The following DENND1A variants were observed in gnomAD, a reference collection of about 807,000 sequenced individuals.
The protein encoded by DENND1A is DENN domain-containing protein 1A.
A neutral mutation model predicts 113.7 loss-of-function variants in DENND1A; 51 were observed. The ratio of observed to expected loss-of-function variants is 0.45; its 90% CI spans 0.36 to 0.57. The LOEUF (loss-of-function observed/expected upper bound fraction) is 0.57, where lower values mean the gene tolerates loss of function less well. Among genes scored for constraint, DENND1A ranks in the 20% least tolerant of loss-of-function variants. The probability of loss-of-function intolerance (pLI) is 0.00; values close to 1 mark genes in which losing one functional copy is unlikely to be tolerated. For synonymous variants in DENND1A, 565 were observed against 570.8 expected (o/e 0.99, Z 0.14); for missense variants, 1,258 against 1,395.9 (o/e 0.90, Z 1.57).
chr9:123,637,187 A>G (rs2061751030), intron 9 of DENND1A, among the ~76,000 whole-genome samples: 1 of 152,202 alleles, frequency 6.6e-6, no homozygotes, highest in Admixed American at 6.5e-5. Context: ...AGGCATTTGG[A>G]TTTCCCCTCT....
chr9:123,641,974 C>G (rs1423080432), intron 9 of DENND1A, among the ~76,000 whole-genome samples: 1 of 152,130 alleles, frequency 6.6e-6, no homozygotes, highest in Non-Finnish European at 1.5e-5. Flanking sequence ...CAATCTGAAT[C>G]CTGTGCCTCA....
At chr9:123,633,064 T>A (rs1041313957) in intron 9 of DENND1A, among the ~76,000 whole-genome samples, 1 of 152,276 alleles carries the variant, frequency 6.6e-6, no homozygotes. Flanking sequence ...TGTGCCACCA[T>A]GCCCGGCTAA....
intron 13 of DENND1A, among the ~76,000 whole-genome samples, chr9:123,476,505 A>G (rs989888003): frequency 5.3e-5 from 8 of 152,228 alleles, no homozygotes; most frequent in Middle Eastern, 3.4e-3. Context: ...GGAACCCAAC[A>G]TTTGTTGGTC....
intron 2 of DENND1A, among the ~76,000 whole-genome samples, chr9:123,848,612 G>A (rs1842940102): frequency 6.6e-6 from 1 of 152,138 alleles, no homozygotes; most frequent in Non-Finnish European, 1.5e-5. Flanking sequence ...TCAACTGAAA[G>A]GAGGAGTTGC....
chr9:123,928,155 G>A (rs1280338393), intron 1 of DENND1A, among the ~76,000 whole-genome samples: 1 of 152,170 alleles, frequency 6.6e-6, no homozygotes, highest in East Asian at 1.9e-4. Flanking sequence ...CAGAATTAGC[G>A]ATGGGTTCCA....
At chr9:123,453,187 A>G (rs969586232) in intron 16 of DENND1A, among the ~76,000 whole-genome samples, 9 of 152,012 alleles carry the variant, frequency 5.9e-5, no homozygotes, top group African/African-American at 2.2e-4. Context: ...GCCTTCCAAA[A>G]CCTCCAGCTG....
chr9:123,789,330 C>T (rs993607478), intron 3 of DENND1A, among the ~76,000 whole-genome samples: 1 of 151,980 alleles, frequency 6.6e-6, no homozygotes, highest in Admixed American at 6.6e-5. Context: ...CCTTCTGTAT[C>T]GAGACCCTTA....
Position 123,381,446 on chromosome 9 carries a change from C to G in DENND1A, c.3199G>C (p.Glu1067Gln), listed in dbSNP as rs756502251. The G allele has an allele frequency of 6.2e-7, 1 of 1,613,248 alleles. No homozygotes were observed. Among genetic ancestry groups the G allele is most frequent in the Admixed American group, 1.7e-5 (1 of 60,028 alleles). Residue 1067 changes from glutamate (E) to glutamine (Q), a missense_variant, in exon 24 of 24, where the codon GAG (glutamate) becomes CAG (glutamine). By Grantham distance (29) the Glu-to-Gln change is conservative. Transcript: ENST00000394215. The surrounding 1 kb of genome is among the most constrained non-coding windows in gnomAD (Gnocchi z 4.7). ...DSVEQLRKQW[E>Q]TFE ...CAGGGCCCGGCTCACTCGAAGGTCT[C>G]CCACTGCTTCCTGAGCTGCTCCACC...
At chr9:123,623,336 G>A (rs1304222895) in intron 10 of DENND1A, among the ~76,000 whole-genome samples, 3 of 152,128 alleles carry the variant, frequency 2.0e-5, no homozygotes, top group Non-Finnish European at 4.4e-5. Flanking sequence ...TGGCCCCTAG[G>A]TGCCACTTGA....
chr9:123,846,036 C>T (rs1185347361), intron 2 of DENND1A, among the ~76,000 whole-genome samples: 3 of 151,982 alleles, frequency 2.0e-5, no homozygotes, highest in Non-Finnish European at 4.4e-5. Context: ...TTTAAACGAC[C>T]CAGTCACTGG....
chr9:123,617,049 C>A (rs927502983), intron 10 of DENND1A, among the ~76,000 whole-genome samples: 4 of 152,188 alleles, frequency 2.6e-5, no homozygotes, highest in African/African-American at 7.2e-5. Context: ...CACAGAGGAA[C>A]CCATGGCTCA....
At chr9:123,757,976 T>TA (rs557446216) in intron 4 of DENND1A, among the ~76,000 whole-genome samples, 154 bp from the exon 5 acceptor site, 7,258 of 122,956 alleles carry the variant, frequency 0.059, 346 homozygotes, top group African/African-American at 0.12. Context: ...GTAAGCTAGT[T>TA]AAAAAAAAAA....
At position 123,516,676 on chromosome 9, in the gene DENND1A, A is replaced by G. The variant is rs145498562; in HGVS notation, c.993+40894T>C. Among the ~76,000 whole-genome samples the G allele has an allele frequency of 6.4e-3, 966 of 152,098 alleles. 12 individuals are homozygous for G. The highest frequency in any genetic ancestry group is 0.022 in the African/African-American group (902 of 41,468). Reference sequence around the variant, plus strand: ...GCCAAGGTGGGCAGATCACGAGGTCAGGAGATCGAGACTATCCTGGCCAAC... The same window carrying G: ...GCCAAGGTGGGCAGATCACGAGGTCGGGAGATCGAGACTATCCTGGCCAAC... On this transcript the variant is annotated intron_variant, in intron 13 of 23. Transcript: ENST00000394215.
At chr9:123,391,761 G>GGAAAAA (rs370434845) in intron 21 of DENND1A, among the ~76,000 whole-genome samples, 2 of 110,402 alleles carry the variant, frequency 1.8e-5, no homozygotes, top group African/African-American at 3.6e-5. Flanking sequence ...GGCAGAATAT[G>GGAAAAA]AAAAAAAAAA....
chr9:123,709,476 G>C (rs998956301), intron 5 of DENND1A, among the ~76,000 whole-genome samples: 2 of 151,960 alleles, frequency 1.3e-5, no homozygotes, highest in Non-Finnish European at 2.9e-5. Context: ...ATTCTGCTTT[G>C]GCACAGTCTG....
At chr9:123,862,496 A>C (rs1845189306) in intron 2 of DENND1A, among the ~76,000 whole-genome samples, 1 of 152,346 alleles carries the variant, frequency 6.6e-6, no homozygotes, top group East Asian at 1.9e-4. Flanking sequence ...TATTAAAAGA[A>C]CCTAAAGATC....
At chr9:123,455,241 G>A (rs900863430) in intron 15 of DENND1A, among the ~76,000 whole-genome samples, 21 of 152,326 alleles carry the variant, frequency 1.4e-4, no homozygotes, top group Non-Finnish European at 2.1e-4. Context: ...AGCTGATCAT[G>A]CAGTACCCTG....
At chr9:123,536,647 G>C (rs1262923417) in intron 13 of DENND1A, among the ~76,000 whole-genome samples, 2 of 151,994 alleles carry the variant, frequency 1.3e-5, no homozygotes, top group African/African-American at 2.4e-5. Flanking sequence ...GCAAATGCTA[G>C]GAGTTCCTAG....
chr9:123,509,774 A>AC (rs2053288576), intron 13 of DENND1A, among the ~76,000 whole-genome samples: 2 of 152,284 alleles, frequency 1.3e-5, no homozygotes, highest in South Asian at 4.1e-4. Context: ...CATGTTTCTC[A>AC]AACTCCACAC....
Sources: allele counts gnomAD v4.1 joint callset (sites outside exome capture counted in the v4.1 genomes callset), GRCh38; gene constraint gnomAD v4.1.1; non-coding constraint Gnocchi (gnomAD v3.1); transcripts MANE v1.5; gene names NCBI Gene and HGNC (gene_info 2026-07-23, HGNC 2026-07-21).